The following NELL1 variants were observed in gnomAD, a reference collection of about 807,000 sequenced individuals.
NELL1 encodes protein kinase C-binding protein NELL1.
A neutral mutation model predicts 107.4 loss-of-function variants in NELL1; 76 were observed. That is an observed-to-expected ratio of 0.71 (90% CI 0.59 to 0.86). The LOEUF (loss-of-function observed/expected upper bound fraction) is 0.86. NELL1 is among the 40% of genes least tolerant of loss of function. NELL1 has a pLI of 0.00. For missense variants in NELL1, 1,024 were observed against 1,005.5 expected, an observed-to-expected ratio of 1.02 and a Z score of -0.25; for synonymous variants, 353 against 341.2, an observed-to-expected ratio of 1.03 and a Z score of -0.38.
intron 12 of NELL1, among the ~76,000 whole-genome samples, chr11:21,034,974 GA>G (rs1268429630): frequency 6.6e-5 from 10 of 151,742 alleles, no homozygotes; most frequent in Admixed American, 1.3e-4. Context: ...AAAAACTCAG[GA>G]AAATAGACTG....
intron 15 of NELL1, among the ~76,000 whole-genome samples, chr11:21,447,039 T>C (rs1853449347): frequency 6.6e-6 from 1 of 152,144 alleles, no homozygotes; most frequent in South Asian, 2.1e-4. Context: ...AAGTGTCTCT[T>C]CCCATGTCTG....
At chr11:20,997,647 C>CT (rs1189121956) in intron 12 of NELL1, among the ~76,000 whole-genome samples, 1 of 152,188 alleles carries the variant, frequency 6.6e-6, no homozygotes, top group Admixed American at 6.5e-5. Flanking sequence ...ATCTTTACAA[C>CT]TTTTTTGTGT....
chr11:20,836,069 GAAACTCAACAATAAGT>G (rs1848529389), intron 3 of NELL1, among the ~76,000 whole-genome samples: 1 of 151,858 alleles, frequency 6.6e-6, no homozygotes, highest in Admixed American at 6.6e-5. Flanking sequence ...AAGAACAATT[GAAACTCAACAATAAGT>G]AAACTCAACA....
At chr11:21,062,700 A>G (rs900076501) in intron 12 of NELL1, among the ~76,000 whole-genome samples, 14 of 152,200 alleles carry the variant, frequency 9.2e-5, no homozygotes, top group African/African-American at 3.1e-4. Flanking sequence ...ATACTAACTG[A>G]CTATAAATCT....
At chr11:21,241,939 A>G (rs1232164685) in intron 14 of NELL1, among the ~76,000 whole-genome samples, 1 of 123,224 alleles carries the variant, frequency 8.1e-6, no homozygotes, top group Admixed American at 9.7e-5. Flanking sequence ...TGTGTCATTT[A>G]CAGCTAGACG....
chr11:21,430,089 C>G (rs893653333), intron 15 of NELL1, among the ~76,000 whole-genome samples: 1 of 152,098 alleles, frequency 6.6e-6, no homozygotes, highest in African/African-American at 2.4e-5. Flanking sequence ...TGTTTAGCAG[C>G]AAATAATGTG....
chr11:21,186,733 C>A (rs1856943384), intron 13 of NELL1, among the ~76,000 whole-genome samples: 1 of 151,832 alleles, frequency 6.6e-6, no homozygotes, highest in South Asian at 2.1e-4. Context: ...GAACATCCAG[C>A]AATGCAAGCC....
chr11:21,226,225 T>C (rs1857889571), intron 13 of NELL1, among the ~76,000 whole-genome samples: 1 of 152,348 alleles, frequency 6.6e-6, no homozygotes, highest in East Asian at 1.9e-4. Flanking sequence ...ATGGCCTTTG[T>C]TCTTTGGGAA....
chr11:21,219,365 G>A (rs1012763542), intron 13 of NELL1, among the ~76,000 whole-genome samples: 1 of 152,086 alleles, frequency 6.6e-6, no homozygotes, highest in Admixed American at 6.5e-5. Flanking sequence ...TGAGTTCCTT[G>A]TATATTCTGG....
chr11:20,796,228 G>A (rs974761099), intron 3 of NELL1, among the ~76,000 whole-genome samples: 4 of 152,148 alleles, frequency 2.6e-5, no homozygotes, highest in Non-Finnish European at 4.4e-5. Context: ...CTAAAACAAT[G>A]AATTGCCCAA....
chr11:21,133,359 C>A (rs889623274), intron 13 of NELL1, among the ~76,000 whole-genome samples: 2 of 152,136 alleles, frequency 1.3e-5, no homozygotes, highest in African/African-American at 2.4e-5. Context: ...ACAGCCCAGC[C>A]CCCAGGCTTC....
chr11:21,440,423 A>G (rs1285113902), intron 15 of NELL1, among the ~76,000 whole-genome samples: 1 of 152,184 alleles, frequency 6.6e-6, no homozygotes, highest in African/African-American at 2.4e-5. Context: ...TGCATTTAAA[A>G]GTATTTATTT....
intron 12 of NELL1, among the ~76,000 whole-genome samples, chr11:20,988,238 G>A (rs1275811767): frequency 6.6e-6 from 1 of 151,978 alleles, no homozygotes; most frequent in Non-Finnish European, 1.5e-5. Context: ...CTTCTTCTGG[G>A]TAGAAGTTCA....
Position 20,919,280 on chromosome 11 carries a change from C to G in NELL1, c.705C>G (p.Ser235Arg). 6.2e-7 allele frequency: 1 copy of G among 1,604,462 alleles called. No homozygotes were observed. Among genetic ancestry groups the G allele is most frequent in the Non-Finnish European group, 8.5e-7 (1 of 1,174,200 alleles). ...GCCCAACCTGCAGTGATTTCTTAAG[C>G]CTGGTGCAAGGAATAATGGATTTAC... ...HTCPTCSDFL[S>R]LVQGIMDLQE... Residue 235 changes from serine (S) to arginine (R), a missense_variant, in exon 7 of 20, where the codon AGC (serine) becomes AGG (arginine). By Grantham distance (110) the Ser-to-Arg change is moderately radical. Coordinates refer to ENST00000357134, the MANE Select transcript of NELL1 (RefSeq NM_006157.5).
At chr11:21,388,531 G>T (rs2133779090) in intron 15 of NELL1, among the ~76,000 whole-genome samples, 1 of 151,834 alleles carries the variant, frequency 6.6e-6, no homozygotes, top group South Asian at 2.1e-4. Context: ...TTTTCTCTTT[G>T]CAGCATCTCA....
chr11:20,696,369 G>T (rs1411961086), intron 2 of NELL1, among the ~76,000 whole-genome samples: 1 of 151,886 alleles, frequency 6.6e-6, no homozygotes, highest in Non-Finnish European at 1.5e-5. Flanking sequence ...TAGGTTTGGG[G>T]TCATTTTTGT....
At chr11:20,903,058 T>C (rs1285621830) in intron 5 of NELL1, among the ~76,000 whole-genome samples, 2 of 152,102 alleles carry the variant, frequency 1.3e-5, no homozygotes, top group African/African-American at 4.8e-5. Flanking sequence ...ATTTTATTTC[T>C]CAAGTGTTTG....
chr11:21,456,055 C>T (rs908679138), intron 15 of NELL1, among the ~76,000 whole-genome samples: 1 of 151,790 alleles, frequency 6.6e-6, no homozygotes, highest in Non-Finnish European at 1.5e-5. Flanking sequence ...CCAAGCCTGG[C>T]TAATTATTTG....
intron 3 of NELL1, among the ~76,000 whole-genome samples, chr11:20,832,075 T>C (rs111571048): frequency 3.2e-4 from 49 of 152,268 alleles, no homozygotes; most frequent in African/African-American, 1.1e-3. Context: ...GTGGGCTGGG[T>C]GGGAGCTTGC....
Sources: gnomAD v4.1 joint callset for allele counts (sites outside exome capture counted in the v4.1 genomes callset) on GRCh38, gnomAD v4.1.1 for gene constraint, MANE v1.5 for transcripts, NCBI Gene and HGNC (gene_info 2026-07-23, HGNC 2026-07-21) for gene names.